The following DAB1 variants were observed in gnomAD, a reference collection of about 807,000 sequenced individuals.
DAB1 encodes the protein DAB adaptor protein 1, also known as disabled homolog 1.
Under a neutral mutation model 64.6 loss-of-function variants are expected in DAB1, and 15 were observed. The ratio of observed to expected loss-of-function variants is 0.23; its 90% CI spans 0.16 to 0.36. DAB1 has a LOEUF of 0.36. Among genes scored for constraint, DAB1 ranks in the 10% least tolerant of loss-of-function variants. DAB1 has a pLI of 1.00. For synonymous variants in DAB1, 235 were observed against 251.9 expected (o/e 0.93, Z 0.64); for missense variants, 596 against 706.7 (o/e 0.84, Z 1.78).
chr1:58,074,578 A>G (rs1467413676), intron 5 of DAB1, among the ~76,000 whole-genome samples: 7 of 121,470 alleles, frequency 5.8e-5, no homozygotes, highest in South Asian at 2.6e-4. Context: ...ATATATATAT[A>G]TATATATATA....
In DAB1 at chr1:57,072,448, G is replaced by A. The variant is rs1651573522; in HGVS notation, c.307-34C>T. On this transcript the variant is annotated intron_variant, in intron 4 of 14. Transcript: ENST00000371236. ...GAAAAAAAAGGAAGAACATATTTCA[G>A]GGGACTTTCCCTTCGAGCTGTTGAT... 15 of 1,606,484 alleles carry A rather than the reference G, an allele frequency of 9.3e-6. No individual in the cohort carries two copies. In the East Asian group the frequency reaches 2.9e-4, roughly 31 times the overall value.
chr1:58,506,629 A>T (rs2100417975), intron 2 of DAB1, among the ~76,000 whole-genome samples: 1 of 152,344 alleles, frequency 6.6e-6, no homozygotes, highest in East Asian at 1.9e-4. Context: ...GATGGATATT[A>T]AGAACATGTA....
At chr1:57,545,489 C>T (rs1395077989) in intron 7 of DAB1, among the ~76,000 whole-genome samples, 2 of 152,144 alleles carry the variant, frequency 1.3e-5, no homozygotes, top group East Asian at 3.9e-4. Context: ...TGGGAACTTC[C>T]CTCAGTCCTG....
intron 9 of DAB1, among the ~76,000 whole-genome samples, chr1:57,044,779 A>G (rs534799262): frequency 6.6e-6 from 1 of 152,218 alleles, no homozygotes; most frequent in African/African-American, 2.4e-5. Flanking sequence ...AGACAAAAAA[A>G]GTACATTCTG....
rs374996235 is a variant in DAB1 at position 58,274,549 on chromosome 1, T to C, written n.309+68803A>G. Among the ~76,000 whole-genome samples the C allele has an allele frequency of 2.2e-3, 306 of 141,860 alleles. 5 individuals carry two copies. The highest frequency in any genetic ancestry group is 0.018 in the Middle Eastern group (5 of 280). 93.1% of individuals were successfully genotyped at this position (141,860 alleles called of 152,430 possible). On this transcript the variant is annotated intron_variant and non_coding_transcript_variant, in intron 4 of 20. Transcript: ENST00000485760. ...TGGGCTCCACCCAGTTCGAGCTTCCTGGCTGCTTTGTTTACCTAAGCACGC... is the reference window on the plus strand; with the variant it reads ...TGGGCTCCACCCAGTTCGAGCTTCCCGGCTGCTTTGTTTACCTAAGCACGC...
intron 5 of DAB1, among the ~76,000 whole-genome samples, chr1:58,027,967 C>G (rs1474477279): frequency 2.0e-5 from 3 of 152,148 alleles, no homozygotes; most frequent in Non-Finnish European, 2.9e-5. Flanking sequence ...TCACACAAGT[C>G]TAAGTTTATA....
chr1:57,148,587 C>T (rs1315813824), intron 2 of DAB1, among the ~76,000 whole-genome samples: 1 of 152,188 alleles, frequency 6.6e-6, no homozygotes, highest in African/African-American at 2.4e-5. Flanking sequence ...GAATCCCAGA[C>T]TATGTTACTG....
chr1:57,454,763 G>A (rs1686519368), intron 7 of DAB1, among the ~76,000 whole-genome samples: 1 of 152,028 alleles, frequency 6.6e-6, no homozygotes. Context: ...AGTTACTATT[G>A]TGGCTAAAGA....
At chr1:58,372,618 C>A (rs1644275563) in intron 3 of DAB1, among the ~76,000 whole-genome samples, 1 of 152,194 alleles carries the variant, frequency 6.6e-6, no homozygotes, top group African/African-American at 2.4e-5. Context: ...TGGTTTGTCT[C>A]TATCTCTCCA....
intron 6 of DAB1, among the ~76,000 whole-genome samples, chr1:57,712,654 T>C (rs1232462796): frequency 6.6e-6 from 1 of 152,204 alleles, no homozygotes; most frequent in Admixed American, 6.5e-5. Flanking sequence ...CATGGGTAAT[T>C]GTGTACAACC....
At chr1:58,524,234 A>G (rs1557452938) in intron 2 of DAB1, among the ~76,000 whole-genome samples, 1 of 152,192 alleles carries the variant, frequency 6.6e-6, no homozygotes, top group East Asian at 1.9e-4. Flanking sequence ...ATCTGCATTA[A>G]AAACCTGTTC....
chr1:57,701,005 TACCATCTCAC>T (rs1442767230), intron 6 of DAB1, among the ~76,000 whole-genome samples: 13 of 152,146 alleles, frequency 8.5e-5, no homozygotes, highest in African/African-American at 3.1e-4. Flanking sequence ...CACAATGAGA[TACCATCTCAC>T]ACCAGTTAGA....
intron 5 of DAB1, among the ~76,000 whole-genome samples, chr1:58,105,053 C>G (rs1651550816): frequency 6.6e-6 from 1 of 152,138 alleles, no homozygotes; most frequent in African/African-American, 2.4e-5. Flanking sequence ...GCAAACTTCC[C>G]TTTCTGTTTG....
At chr1:58,202,866 C>T (rs1658075021) in intron 4 of DAB1, among the ~76,000 whole-genome samples, 1 of 152,180 alleles carries the variant, frequency 6.6e-6, no homozygotes, top group South Asian at 2.1e-4. Context: ...GACAGCAAAA[C>T]ATCTGTTTGA....
Position 58,295,043 on chromosome 1 carries a change from T to C in DAB1, n.309+48309A>G, listed in dbSNP as rs900734380. Reference sequence around the variant, plus strand: ...ATGGGGAACGCTGTATGCTCAGAGATTGTGGTCTTTGGAAAGCCTTTCCTG... The same window carrying C: ...ATGGGGAACGCTGTATGCTCAGAGACTGTGGTCTTTGGAAAGCCTTTCCTG... On this transcript the variant is annotated intron_variant and non_coding_transcript_variant, in intron 4 of 20. Transcript: ENST00000485760. 1.2e-4 allele frequency among the ~76,000 whole-genome samples: 19 copies of C among 152,222 alleles called. No individual in the cohort carries two copies. The East Asian group carries it at 2.9e-3, about 23-fold the overall frequency.
At chr1:57,143,025 A>C (rs528789037) in intron 3 of DAB1, among the ~76,000 whole-genome samples, 2 of 152,280 alleles carry the variant, frequency 1.3e-5, no homozygotes, top group African/African-American at 4.8e-5. Context: ...TCCGCTTGGG[A>C]TGGAAGGTAT....
intron 3 of DAB1, among the ~76,000 whole-genome samples, chr1:58,425,780 C>T (rs903587232): frequency 1.3e-5 from 2 of 151,982 alleles, no homozygotes; most frequent in African/African-American, 4.8e-5. Flanking sequence ...CTGGTCAACA[C>T]AGTCAAACAT....
intron 9 of DAB1, among the ~76,000 whole-genome samples, chr1:57,035,478 C>G (rs374326404): frequency 6.6e-6 from 1 of 152,038 alleles, no homozygotes; most frequent in Non-Finnish European, 1.5e-5. Flanking sequence ...GGAGAGGTGG[C>G]CTTTGGAGAG....
At chr1:58,165,559 C>T (rs574157541) in intron 4 of DAB1, among the ~76,000 whole-genome samples, 4 of 152,190 alleles carry the variant, frequency 2.6e-5, no homozygotes, top group African/African-American at 7.2e-5. Flanking sequence ...ACAGAGCATG[C>T]ATGTTACCAT....
Sources: gnomAD v4.1 joint callset for allele counts (sites outside exome capture counted in the v4.1 genomes callset) on GRCh38, gnomAD v4.1.1 for gene constraint, MANE v1.5 for transcripts, NCBI Gene and HGNC (gene_info 2026-07-23, HGNC 2026-07-21) for gene names.